The following CORO7 variants were observed in gnomAD, a reference collection of about 807,000 sequenced individuals.
The protein encoded by CORO7 is coronin 7, also known as coronin-7.
Under a neutral mutation model 126.6 loss-of-function variants are expected in CORO7, and 107 were observed. The ratio of observed to expected loss-of-function variants is 0.85; its 90% confidence interval spans 0.72 to 0.99. The LOEUF (loss-of-function observed/expected upper bound fraction) is 0.99, where lower values mean the gene tolerates loss of function less well. Ranked by LOEUF, CORO7 falls within the 50% of genes least tolerant of loss-of-function variation. CORO7 has a pLI of 0.00. For synonymous variants in CORO7, 603 were observed against 536.8 expected, an observed-to-expected ratio of 1.12 and a Z score of -1.70; for missense variants, 1,314 against 1,255.8, an observed-to-expected ratio of 1.05 and a Z score of -0.70.
intron 1 of CORO7, chr16:4,415,893 T>C (rs2056390897): frequency 1.0e-6 from 1 of 985,168 alleles, no homozygotes; most frequent in Non-Finnish European, 1.2e-6. Context: ...ATCACCGAGA[T>C]AAAGAAAGAG....
chr16:4,359,204 G>A (rs1052584391), intron 23 of CORO7, 92 bp downstream of exon 23: 40 of 1,385,396 alleles, frequency 2.9e-5, no homozygotes, highest in Middle Eastern at 4.2e-4. Flanking sequence ...TCTGACCCCC[G>A]ACCCACAGGC....
intron 9 of CORO7, among the ~76,000 whole-genome samples, chr16:4,379,670 G>A (rs542767789): frequency 2.8e-4 from 42 of 152,170 alleles, no homozygotes; most frequent in South Asian, 1.9e-3. Context: ...TGGCACATGG[G>A]AAGGACTTGC....
At chr16:4,364,193 A>G (rs930041192) in intron 14 of CORO7, 83 bp downstream of exon 14, 1 of 1,407,920 alleles carries the variant, frequency 7.1e-7, no homozygotes, top group Non-Finnish European at 9.2e-7. Context: ...CTCAAAAAAA[A>G]AAAAAGGCCG....
At chr16:4,369,070 C>G (rs962184892) in intron 9 of CORO7, among the ~76,000 whole-genome samples, 5 of 152,258 alleles carry the variant, frequency 3.3e-5, no homozygotes, top group Admixed American at 2.0e-4. Context: ...CCCTCACCCC[C>G]GTTCCATCGT....
intron 3 of CORO7, among the ~76,000 whole-genome samples, chr16:4,409,283 A>C (rs1393799426): frequency 6.6e-6 from 1 of 152,246 alleles, no homozygotes. Context: ...CTGGAATCCC[A>C]GCTGGCAGGA....
chr16:4,363,559 C>G (rs1299210098), intron 14 of CORO7, among the ~76,000 whole-genome samples: 2 of 149,350 alleles, frequency 1.3e-5, no homozygotes, highest in Admixed American at 1.3e-4. Context: ...ACTAAAGATA[C>G]AAATTAGCCA....
chr16:4,366,333 T>A (rs1255789997), intron 9 of CORO7, among the ~76,000 whole-genome samples: 11 of 151,958 alleles, frequency 7.2e-5, no homozygotes, highest in Admixed American at 7.2e-4. Flanking sequence ...TATGTCCAGC[T>A]CAGCCTTGGC....
intron 14 of CORO7, among the ~76,000 whole-genome samples, chr16:4,363,817 G>A (rs8057735): frequency 0.5 from 75,599 of 150,974 alleles, 19,343 homozygotes; most frequent in Non-Finnish European, 0.57. Flanking sequence ...TCAGGAGTTC[G>A]AGACCAGCCT....
chr16:4,413,340 C>A lies in CORO7; in HGVS notation c.125G>T (p.Cys42Phe), dbSNP rs1280600487. 6.3e-7 allele frequency: 1 copy of A among 1,586,012 alleles called. No individual in the cohort carries two copies. Among genetic ancestry groups the A allele is most frequent in the South Asian group, 1.1e-5 (1 of 87,142 alleles). Residue 42 changes from cysteine (C) to phenylalanine (F), a missense_variant, in exon 2 of 28, where the codon TGC becomes TTC. Cys to Phe is a radical substitution (Grantham distance 205). Transcript: ENST00000251166. ...PSCRNHIKSSCSLIAFNSDRP... is the reference protein window; with the variant it reads ...PSCRNHIKSSFSLIAFNSDRP... ...GTCGGAGTTGAAGGCGATCAAGCTG[C>A]AGCTTGATTTGATGTGGTTCCTGCA...
chr16:4,409,289 C>T (rs1462011850), intron 3 of CORO7, among the ~76,000 whole-genome samples: 1 of 152,228 alleles, frequency 6.6e-6, no homozygotes, highest in East Asian at 1.9e-4. Context: ...TCCCAGCTGG[C>T]AGGACCACAA....
chr16:4,385,464 C>T (rs1464191071), intron 9 of CORO7, among the ~76,000 whole-genome samples: 2 of 152,194 alleles, frequency 1.3e-5, no homozygotes, highest in Admixed American at 6.5e-5. Context: ...ACACTCATCC[C>T]CGCTCAATTC....
Position 4,413,290 on chromosome 16 carries a change from C to T in CORO7, c.157+18G>A, listed in dbSNP as rs369045056. On this transcript the variant is annotated intron_variant, in intron 2 of 27. Transcript: ENST00000251166. ...CCGAATATGTGAGCAAATATCCACA[C>T]TCATGGCCATTCCCTACCAGGACGG... 47 of 1,561,946 alleles carry T rather than the reference C, an allele frequency of 3.0e-5. No individual in the cohort carries two copies. The highest frequency in any genetic ancestry group is 4.3e-6 in the Non-Finnish European group (5 of 1,151,846).
chr16:4,398,266 T>A (rs184648178), intron 6 of CORO7, among the ~76,000 whole-genome samples: 11 of 152,258 alleles, frequency 7.2e-5, no homozygotes, highest in Admixed American at 5.2e-4. Flanking sequence ...CCAAAAAGCG[T>A]ATGAAAATAT....
Position 4,362,753 on chromosome 16 carries a change from G to T in CORO7, c.1276-15C>A. 2.9e-6 allele frequency: 4 copies of T among 1,378,464 alleles called. No homozygotes were observed. Among genetic ancestry groups the T allele is most frequent in the Non-Finnish European group, 3.8e-6 (4 of 1,061,516 alleles). 85.4% of individuals were successfully genotyped at this position (1,378,464 alleles called of 1,614,324 possible). A position where few individuals can be genotyped will look rare whatever the true frequency, so the allele number is the denominator to read the frequency against. On this transcript the variant is annotated splice_polypyrimidine_tract_variant and intron_variant, in intron 14 of 27. Coordinates refer to ENST00000251166, the MANE Select transcript of CORO7 (RefSeq NM_024535.5). The surrounding 1 kb of genome is among the most constrained non-coding windows in gnomAD (Gnocchi z 5.3). ...GAGAAACCCTCCTGGGGAGGGGCAT[G>T]GGGTCAGCCAGCCTGCTCCTAGGTG...
rs534799292 is a variant in CORO7, at chr16:4,400,632, TCAAAAACAAAAA to T, written c.564+4847_564+4858del. 4.0e-3 allele frequency among the ~76,000 whole-genome samples: 606 copies of T among 149,702 alleles called. 2 individuals are homozygous for T. Among genetic ancestry groups the T allele is most frequent in the African/African-American group, 0.014 (566 of 40,284 alleles). ...TGGGCAACAAGAGTGAGACTCTGTC[TCAAAAACAAAAA>T]CAAAAACAAAAACAAAAAAACAAAA... On this transcript the variant is annotated intron_variant, in intron 6 of 27. Transcript: ENST00000251166.
At position 4,360,971 on chromosome 16, in the gene CORO7, C is replaced by T. The variant is rs150670238; in HGVS notation, c.1889G>A (p.Arg630Gln). ...RIWDLQAGAD[R>Q]LKLQGHQDQI... Reference sequence around the variant, plus strand: ...GTCTTGGTGGCCCTGCAGCTTCAGCCGATCAGCTCCAGCCTGAAGGTCCCA... The same window carrying T: ...GTCTTGGTGGCCCTGCAGCTTCAGCTGATCAGCTCCAGCCTGAAGGTCCCA... Residue 630 changes from arginine to glutamine, a missense_variant, in exon 19 of 28, where the codon CGG becomes CAG. Physicochemically the swap from Arg to Gln is conservative, Grantham distance 43. Coordinates refer to ENST00000251166, the MANE Select transcript of CORO7 (RefSeq NM_024535.5). 3.4e-5 allele frequency: 55 copies of T among 1,612,312 alleles called. No homozygotes were observed. Among genetic ancestry groups the T allele is most frequent in the African/African-American group, 2.7e-5 (2 of 74,916 alleles).
Position 4,381,857 on chromosome 16 carries a change from G to A in CORO7, c.785+6129C>T, listed in dbSNP as rs372154052. 1.2e-6 allele frequency: 2 copies of A among 1,602,568 alleles called. No homozygotes were observed. The highest frequency in any genetic ancestry group is 1.1e-5 in the South Asian group (1 of 91,020). On this transcript the variant is annotated intron_variant, in intron 9 of 27. Transcript: ENST00000251166. ...ACACTGGCCAGCCCTGAGGAGACGC[G>A]CTGCCACTTCCCGCCCAAGAACGCT... is the stretch of plus-strand genomic sequence containing the variant.
intron 2 of CORO7, chr16:4,412,637 A>G (rs2056255947): frequency 3.5e-6 from 2 of 576,778 alleles, no homozygotes; most frequent in East Asian, 5.8e-5. Flanking sequence ...TCAGATGGAT[A>G]CAGAAGACAT....
At position 4,411,018 on chromosome 16, in the gene CORO7, C is replaced by T. The variant is rs578216706; in HGVS notation, c.232+1338G>A. Among the ~76,000 whole-genome samples the T allele has an allele frequency of 2.0e-5, 3 of 152,274 alleles. No individual in the cohort carries two copies. The East Asian group carries it at 5.8e-4, about 29-fold the overall frequency. ...TGGAAATGGATTAACTGCAAAGGGGCATGCGGGATCTTTTGGGGATGATGG... is the reference window on the plus strand; with the variant it reads ...TGGAAATGGATTAACTGCAAAGGGGTATGCGGGATCTTTTGGGGATGATGG... On this transcript the variant is annotated intron_variant, in intron 3 of 27. Coordinates refer to ENST00000251166, the MANE Select transcript of CORO7 (RefSeq NM_024535.5).
Sources: gnomAD v4.1 joint callset for allele counts (sites outside exome capture counted in the v4.1 genomes callset) on GRCh38, gnomAD v4.1.1 for gene constraint, Gnocchi (gnomAD v3.1) non-coding constraint, MANE v1.5 for transcripts, NCBI Gene and HGNC (gene_info 2026-07-23, HGNC 2026-07-21) for gene names.